PLXNA2: variants seen among roughly 807,000 people sequenced by gnomAD.
The protein encoded by PLXNA2 is plexin-A2.
In PLXNA2, 91 loss-of-function variants were observed where a neutral mutation model predicts 193.5. The observed-to-expected ratio is 0.47, with a 90% CI of 0.40 to 0.56. PLXNA2 has a LOEUF of 0.56. Among genes scored for constraint, PLXNA2 ranks in the 20% least tolerant of loss-of-function variants. The pLI is 0.00. For missense variants in PLXNA2, 1,995 were observed against 2,503.2 expected, an observed-to-expected ratio of 0.80 and a Z score of 4.33; for synonymous variants, 997 against 1,027.3, an observed-to-expected ratio of 0.97 and a Z score of 0.56.
intron 1 of PLXNA2, among the ~76,000 whole-genome samples, chr1:208,224,434 G>A (rs1486762921): frequency 6.6e-6 from 1 of 151,662 alleles, no homozygotes; most frequent in Non-Finnish European, 1.5e-5. Flanking sequence ...CAGGAGGTAC[G>A]ATTAGTCTTT....
intron 3 of PLXNA2, among the ~76,000 whole-genome samples, chr1:208,183,001 T>G (rs1669892305): frequency 6.6e-6 from 1 of 152,212 alleles, no homozygotes; most frequent in Admixed American, 6.5e-5. Flanking sequence ...CTCTTCCTCC[T>G]GTTTACCCAC....
intron 4 of PLXNA2, among the ~76,000 whole-genome samples, chr1:208,114,020 G>C (rs576392344): frequency 6.6e-6 from 1 of 152,194 alleles, no homozygotes; most frequent in Non-Finnish European, 1.5e-5. Context: ...GCCACCTTTA[G>C]TGTTGTCTGA....
intron 1 of PLXNA2, among the ~76,000 whole-genome samples, chr1:208,228,210 C>T (rs781068165): frequency 4.6e-5 from 7 of 152,184 alleles, no homozygotes; most frequent in Non-Finnish European, 8.8e-5. Context: ...AGTGACCTCA[C>T]ATGGCTGGCC....
At chr1:208,124,894 A>G (rs6540454) in intron 4 of PLXNA2, among the ~76,000 whole-genome samples, 145,583 of 152,148 alleles carry the variant, frequency 0.96, 69,984 homozygotes, top group East Asian at 1. Context: ...CAGGCACGGC[A>G]GTAATGGTAT....
chr1:208,038,881 GCAT>G lies in PLXNA2; in HGVS notation c.4601_4603del (p.Asp1534del). The G allele has an allele frequency of 6.2e-7, 1 of 1,613,928 alleles. No homozygotes were observed. Among genetic ancestry groups the G allele is most frequent in the Non-Finnish European group, 8.5e-7 (1 of 1,179,902 alleles). On this transcript the variant is annotated inframe_deletion, in exon 25 of 32. Transcript: ENST00000367033. The surrounding 1 kb of genome is among the most constrained non-coding windows in gnomAD (Gnocchi z 4.1). ...GGAATAGGGCACATTCTTATACACG[GCAT>G]CAAGAATCTTCTCCTTGACCTGTGT...
chr1:208,107,402 G>C (rs1489382155), intron 4 of PLXNA2, among the ~76,000 whole-genome samples: 1 of 152,170 alleles, frequency 6.6e-6, no homozygotes, highest in Non-Finnish European at 1.5e-5. Context: ...GATTTTAGGG[G>C]TGTAGGGGAA....
chr1:208,217,933 G>A lies in PLXNA2; in HGVS notation c.-11C>T. 6.2e-7 allele frequency: 1 copy of A among 1,605,820 alleles called. No individual in the cohort carries two copies. Among genetic ancestry groups the A allele is most frequent in the Non-Finnish European group, 8.5e-7 (1 of 1,179,736 alleles). ...CCGCCTCTGTTCCATGCTGAGAGGG[G>A]CGGCGGTGAGGAGACGGCTCCTGTG... On this transcript the variant is annotated 5_prime_UTR_variant, in exon 2 of 32. Coordinates refer to ENST00000367033, the MANE Select transcript of PLXNA2 (RefSeq NM_025179.4). The surrounding 1 kb of genome is among the most constrained non-coding windows in gnomAD (Gnocchi z 4.7).
At chr1:208,197,095 C>T (rs1174961641) in intron 3 of PLXNA2, among the ~76,000 whole-genome samples, 1 of 152,142 alleles carries the variant, frequency 6.6e-6, no homozygotes, top group African/African-American at 2.4e-5. Flanking sequence ...AGGTCACGTA[C>T]TTAGTAAATA....
chr1:208,040,171 G>C, intron 22 of PLXNA2, 113 bp from the exon 23 acceptor site: 1 of 834,300 alleles, frequency 1.2e-6, no homozygotes, highest in Non-Finnish European at 2.0e-6. Context: ...GAGAACGCAG[G>C]GCGGGAGTCA....
At chr1:208,061,503 G>C (rs1665620074) in intron 12 of PLXNA2, among the ~76,000 whole-genome samples, 1 of 152,196 alleles carries the variant, frequency 6.6e-6, no homozygotes, top group South Asian at 2.1e-4. Context: ...GTAGAGACTA[G>C]GTGTGGCTGC....
intron 1 of PLXNA2, among the ~76,000 whole-genome samples, chr1:208,237,933 A>C (rs1671919097): frequency 6.6e-6 from 1 of 152,220 alleles, no homozygotes. Flanking sequence ...CACACAGGTG[A>C]TCGATCCCTA....
At position 208,043,136 on chromosome 1, in the gene PLXNA2, G is replaced by A. The variant is rs1386178324; in HGVS notation, c.3942C>T (p.Tyr1314=). The A allele has an allele frequency of 4.3e-6, 7 of 1,614,166 alleles. No individual in the cohort carries two copies. The South Asian group carries it at 4.4e-5, about 10-fold the overall frequency. Residue 1314 remains tyrosine, a synonymous_variant, in exon 21 of 32, where the codon TAC becomes TAT. Coordinates refer to ENST00000367033, the MANE Select transcript of PLXNA2 (RefSeq NM_025179.4). ...TSDLDRSGIP[Y]LDYRTYAMRV... ...GCATAGCGTAGGTACGATAGTCCAG[G>A]TAAGGGATTCCTGAGCGGTCCAGGT...
intron 1 of PLXNA2, among the ~76,000 whole-genome samples, chr1:208,223,331 AC>A (rs1255726547): frequency 6.6e-6 from 1 of 152,138 alleles, no homozygotes; most frequent in Non-Finnish European, 1.5e-5. Context: ...TGCAGTCAGA[AC>A]CCAGACCTCA....
At position 208,096,964 on chromosome 1, in the gene PLXNA2, T is replaced by G; in HGVS notation, c.1732-81A>C. On this transcript the variant is annotated intron_variant, in intron 6 of 31. Transcript: ENST00000367033. Reference sequence around the variant, plus strand: ...CAGGTCCAGCCCTGCTGTGACCCACTTTGCTCACTGATCTCCCCTGACCTC... The same window carrying G: ...CAGGTCCAGCCCTGCTGTGACCCACGTTGCTCACTGATCTCCCCTGACCTC... The G allele has an allele frequency of 2.9e-6, 4 of 1,359,652 alleles. No individual in the cohort carries two copies. In the South Asian group the frequency reaches 5.2e-5, roughly 18 times the overall value. The allele number at this position is 1,359,652 out of a possible 1,614,324, so 84.2% of individuals were successfully genotyped here.
intron 21 of PLXNA2, 82 bp downstream of exon 21, chr1:208,042,979 C>T (rs527465038): frequency 4.3e-6 from 6 of 1,403,160 alleles, no homozygotes; most frequent in African/African-American, 2.8e-5. Context: ...TTACTCAGTA[C>T]TGCTGAGTCT....
chr1:208,119,383 G>C (rs1001834406), intron 4 of PLXNA2, among the ~76,000 whole-genome samples: 5 of 152,176 alleles, frequency 3.3e-5, no homozygotes, highest in African/African-American at 1.2e-4. Context: ...CCGCAAACAG[G>C]CCTGTCCCTG....
intron 3 of PLXNA2, among the ~76,000 whole-genome samples, chr1:208,154,554 A>G (rs1668879284): frequency 6.6e-6 from 1 of 152,204 alleles, no homozygotes. Context: ...AGGGAGCTAC[A>G]CTAGGGCCAA....
chr1:208,078,292 G>C (rs1666224524), intron 12 of PLXNA2, among the ~76,000 whole-genome samples: 1 of 152,080 alleles, frequency 6.6e-6, no homozygotes, highest in Admixed American at 6.5e-5. Flanking sequence ...CTATCTTGAG[G>C]GTTTCTTTTT....
chr1:208,049,174 T>C (rs1035886238), intron 17 of PLXNA2, among the ~76,000 whole-genome samples: 4 of 152,208 alleles, frequency 2.6e-5, no homozygotes, highest in African/African-American at 9.6e-5. Context: ...TGCTTCCCCC[T>C]GTGACCCCTG....
Sources: gnomAD v4.1 joint callset for allele counts (sites outside exome capture counted in the v4.1 genomes callset) on GRCh38, gnomAD v4.1.1 for gene constraint, Gnocchi (gnomAD v3.1) non-coding constraint, MANE v1.5 for transcripts, NCBI Gene and HGNC (gene_info 2026-07-23, HGNC 2026-07-21) for gene names.